Variants in MARCHF1 observed in about 807,000 individuals in gnomAD.
MARCHF1 encodes the protein membrane associated ring-CH-type finger 1.
MARCHF1 carries 40 observed loss-of-function variants against 54.2 expected under a neutral mutation model. The observed-to-expected ratio is 0.74, with a 90% confidence interval of 0.57 to 0.96. MARCHF1 has a LOEUF of 0.96. Among genes scored for constraint, MARCHF1 ranks in the 40% least tolerant of loss-of-function variants. The pLI is 0.00. For synonymous variants in MARCHF1, 236 were observed against 236.3 expected (o/e 1.00, Z 0.01); for missense variants, 586 against 656.5 (o/e 0.89, Z 1.17).
chr4:163,956,237 T>G (rs1489662417), intron 3 of MARCHF1, among the ~76,000 whole-genome samples: 1 of 152,176 alleles, frequency 6.6e-6, no homozygotes, highest in Non-Finnish European at 1.5e-5. Context: ...GCTCAAATCA[T>G]AGTCTCAAGC....
At chr4:164,380,500 TTTCC>T (rs1731336186) in intron 1 of MARCHF1, among the ~76,000 whole-genome samples, 1 of 152,198 alleles carries the variant, frequency 6.6e-6, no homozygotes. Context: ...AGAACACATA[TTTCC>T]TACCACTGTT....
At chr4:163,544,461 T>A (rs1186114589) in intron 9 of MARCHF1, among the ~76,000 whole-genome samples, 2 of 152,156 alleles carry the variant, frequency 1.3e-5, no homozygotes, top group Non-Finnish European at 2.9e-5. Context: ...CATCCCCTCT[T>A]TGACGCACAG....
At chr4:164,029,725 G>C (rs1034010763) in intron 2 of MARCHF1, among the ~76,000 whole-genome samples, 1 of 152,082 alleles carries the variant, frequency 6.6e-6, no homozygotes, top group Non-Finnish European at 1.5e-5. Context: ...CTCCCAAGTA[G>C]CTGACATTAC....
chr4:164,189,540 C>T, intron 1 of MARCHF1: 2 of 862,466 alleles, frequency 2.3e-6, no homozygotes, highest in South Asian at 2.8e-5. Flanking sequence ...ATGGCATAAA[C>T]CCAGATGAAG....
intron 4 of MARCHF1, among the ~76,000 whole-genome samples, chr4:163,742,912 T>C (rs181857569): frequency 6.0e-5 from 9 of 151,228 alleles, no homozygotes; most frequent in Non-Finnish European, 1.5e-5. Flanking sequence ...TGAGACAAGA[T>C]ACCATTTTAA....
At chr4:164,188,594 G>C (rs1731039653) in intron 1 of MARCHF1, 1 of 837,208 alleles carries the variant, frequency 1.2e-6, no homozygotes, top group Non-Finnish European at 2.1e-6. Context: ...TCTTGAAGGG[G>C]AATATCTGAT....
At chr4:164,376,314 C>T (rs1320398892) in intron 1 of MARCHF1, among the ~76,000 whole-genome samples, 1 of 152,128 alleles carries the variant, frequency 6.6e-6, no homozygotes, top group Non-Finnish European at 1.5e-5. Context: ...TCTGAAAATA[C>T]ATGTTTTATC....
chr4:163,568,126 C>T (rs2110739054), intron 8 of MARCHF1, among the ~76,000 whole-genome samples: 1 of 152,142 alleles, frequency 6.6e-6, no homozygotes, highest in South Asian at 2.1e-4. Context: ...TCGCATTTCC[C>T]ATAACGTCCC....
At chr4:163,869,612 A>G (rs1305013660) in intron 3 of MARCHF1, among the ~76,000 whole-genome samples, 10 of 152,108 alleles carry the variant, frequency 6.6e-5, no homozygotes, top group African/African-American at 2.2e-4. Context: ...ACCCAATGGA[A>G]ATAGAAAAAT....
At chr4:163,719,349 A>G (rs965004359) in intron 4 of MARCHF1, among the ~76,000 whole-genome samples, 4 of 152,144 alleles carry the variant, frequency 2.6e-5, no homozygotes, top group African/African-American at 9.7e-5. Context: ...GTCCCTACAA[A>G]GGACATGAAC....
chr4:163,642,733 A>G (rs917312135), intron 5 of MARCHF1, among the ~76,000 whole-genome samples: 4 of 151,988 alleles, frequency 2.6e-5, no homozygotes, highest in African/African-American at 9.7e-5. Context: ...TGTTTTGGAG[A>G]GCTATAGGTT....
intron 8 of MARCHF1, among the ~76,000 whole-genome samples, chr4:163,562,785 T>A (rs1739514406): frequency 6.6e-6 from 1 of 152,204 alleles, no homozygotes; most frequent in African/African-American, 2.4e-5. Context: ...TTTCCCCAGA[T>A]TTACACATTT....
At chr4:163,883,330 G>C (rs976215375) in intron 3 of MARCHF1, among the ~76,000 whole-genome samples, 1 of 142,848 alleles carries the variant, frequency 7.0e-6, no homozygotes, top group Non-Finnish European at 1.5e-5. Flanking sequence ...AAACAAGCAA[G>C]AATTACCTAC....
intron 4 of MARCHF1, among the ~76,000 whole-genome samples, chr4:163,827,166 T>C (rs1226819884): frequency 6.6e-6 from 1 of 151,956 alleles, no homozygotes. Context: ...CGGCTGAAAA[T>C]AAGATTTGTA....
At chr4:164,129,988 T>C (rs1488747672) in intron 1 of MARCHF1, 1 of 152,142 alleles carries the variant, frequency 6.6e-6, no homozygotes. Flanking sequence ...CACACTTACT[T>C]TTTGAAAATA....
chr4:164,038,100 A>G (rs1754047906), intron 2 of MARCHF1, among the ~76,000 whole-genome samples: 2 of 152,186 alleles, frequency 1.3e-5, no homozygotes, highest in Admixed American at 1.3e-4. Context: ...ATGTGGTACT[A>G]TAGTTTCCAA....
intron 1 of MARCHF1, among the ~76,000 whole-genome samples, chr4:164,134,432 C>T (rs894326831): frequency 6.6e-6 from 1 of 152,138 alleles, no homozygotes; most frequent in African/African-American, 2.4e-5. Flanking sequence ...TTGAAGAATA[C>T]ATTACATTTT....
intron 3 of MARCHF1, among the ~76,000 whole-genome samples, chr4:163,959,311 A>C (rs913011916): frequency 1.2e-4 from 18 of 147,990 alleles, no homozygotes; most frequent in African/African-American, 4.4e-4. Flanking sequence ...AGCAATCCTA[A>C]GCAAAACAAC....
At chr4:164,133,318 A>G (rs189497461) in intron 1 of MARCHF1, among the ~76,000 whole-genome samples, 1 of 152,208 alleles carries the variant, frequency 6.6e-6, no homozygotes, top group Non-Finnish European at 1.5e-5. Context: ...ACTGGAGGAC[A>G]TGTCCATTAT....
Sources: gnomAD v4.1 joint callset for allele counts (sites outside exome capture counted in the v4.1 genomes callset) on GRCh38, gnomAD v4.1.1 for gene constraint, MANE v1.5 for transcripts, NCBI Gene and HGNC (gene_info 2026-07-23, HGNC 2026-07-21) for gene names.